Variants in SLC13A1 observed in about 807,000 individuals in gnomAD.
The protein encoded by SLC13A1 is Na(+)/sulfate cotransporter.
SLC13A1 carries 65 observed loss-of-function variants against 70.0 expected under a neutral mutation model. That is an observed-to-expected ratio of 0.93 (90% CI 0.76 to 1.14). The LOEUF (loss-of-function observed/expected upper bound fraction) is 1.14. SLC13A1 is among the 50% of genes most tolerant of loss of function. The pLI, the probability that SLC13A1 is intolerant of heterozygous loss-of-function variation, is 0.00. For missense variants in SLC13A1, 726 were observed against 717.8 expected, an observed-to-expected ratio of 1.01 and a Z score of -0.13; for synonymous variants, 275 against 250.5, an observed-to-expected ratio of 1.10 and a Z score of -0.92.
chr7:123,173,989 C>G (rs1350445495), intron 2 of SLC13A1, among the ~76,000 whole-genome samples: 1 of 121,846 alleles, frequency 8.2e-6, no homozygotes, highest in African/African-American at 2.9e-5. Context: ...TTTTTTTTCT[C>G]CCTGGTTCTA....
At chr7:123,171,191 C>T (rs894382088) in intron 3 of SLC13A1, among the ~76,000 whole-genome samples, 12 of 152,114 alleles carry the variant, frequency 7.9e-5, no homozygotes, top group African/African-American at 2.7e-4. Context: ...TGAAATAAAA[C>T]CGAAATAGCC....
rs538835068 is a variant in SLC13A1, at chr7:123,117,984, A to G, written c.1513-376T>C. Among the ~76,000 whole-genome samples, 236 of 151,382 alleles carry G rather than the reference A, an allele frequency of 1.6e-3. 1 individual carries two copies. The highest frequency in any genetic ancestry group is 2.9e-3 in the Non-Finnish European group (198 of 67,824). On this transcript the variant is annotated intron_variant, in intron 13 of 14. Transcript: ENST00000194130. ...TAATATAGTTTATAATATATAATAA[A>G]TGTCACATATTTATATATATATTGA...
At chr7:123,164,349 G>A (rs1195528423) in intron 6 of SLC13A1, among the ~76,000 whole-genome samples, 1 of 151,540 alleles carries the variant, frequency 6.6e-6, no homozygotes, top group African/African-American at 2.4e-5. Context: ...ATTGCCTTTG[G>A]GGAGAAATAT....
chr7:123,114,365 G>A lies in SLC13A1; in HGVS notation c.*1153C>T, dbSNP rs1793113577. On this transcript the variant is annotated 3_prime_UTR_variant, in exon 15 of 15. Transcript: ENST00000194130. ...GTGTAATTGTCACATCAGGGTAATTGGAAACTCATTCTTTTTCGCATCCTC... is the reference window on the plus strand; with the variant it reads ...GTGTAATTGTCACATCAGGGTAATTAGAAACTCATTCTTTTTCGCATCCTC... 6.6e-6 allele frequency: 1 copy of A among 151,926 alleles called. No homozygotes were observed. Among genetic ancestry groups the A allele is most frequent in the South Asian group, 2.1e-4 (1 of 4,830 alleles). 9.4% of individuals were successfully genotyped at this position (151,926 alleles called of 1,614,324 possible). A position where few individuals can be genotyped will look rare whatever the true frequency, so the allele number is the denominator to read the frequency against.
chr7:123,116,080 T>A (rs541995636), intron 14 of SLC13A1, among the ~76,000 whole-genome samples: 59 of 152,342 alleles, frequency 3.9e-4, no homozygotes, highest in African/African-American at 1.2e-3. Context: ...TATATTTCAA[T>A]GAATAAAATT....
chr7:123,171,751 G>C lies in SLC13A1; in HGVS notation c.365+17C>G. On this transcript the variant is annotated intron_variant, in intron 3 of 14. Transcript: ENST00000194130. ...CTGTTCAGCAGGTAAACTGGAAGCA[G>C]TAAATGCAGTACTTACCATGCAGGA... 1.2e-6 allele frequency: 2 copies of C among 1,612,650 alleles called. No homozygotes were observed. Among genetic ancestry groups the C allele is most frequent in the Non-Finnish European group, 1.7e-6 (2 of 1,179,252 alleles).
intron 2 of SLC13A1, among the ~76,000 whole-genome samples, chr7:123,176,146 C>A (rs540392019): frequency 6.6e-6 from 1 of 152,296 alleles, no homozygotes; most frequent in African/African-American, 2.4e-5. Flanking sequence ...ACCATGCAAA[C>A]AAACTACAGC....
At chr7:123,128,791 G>A (rs1405877213) in intron 10 of SLC13A1, 54 bp downstream of exon 10, 24 of 1,119,132 alleles carry the variant, frequency 2.1e-5, no homozygotes, top group Non-Finnish European at 3.2e-5. Context: ...CCACACAGGA[G>A]AGAAGCAGAG....
At chr7:123,142,743 G>A (rs1794201882) in intron 7 of SLC13A1, among the ~76,000 whole-genome samples, 1 of 149,750 alleles carries the variant, frequency 6.7e-6, no homozygotes. Context: ...TCAGCCTCCT[G>A]AGTAGCTGGG....
intron 1 of SLC13A1, among the ~76,000 whole-genome samples, chr7:123,198,093 G>A (rs1042998042): frequency 9.9e-5 from 15 of 152,068 alleles, no homozygotes; most frequent in African/African-American, 3.1e-4. Context: ...GTATGAAGCA[G>A]GATATGGTCA....
intron 6 of SLC13A1, among the ~76,000 whole-genome samples, chr7:123,162,461 G>A (rs77645122): frequency 4.1e-4 from 63 of 151,964 alleles, no homozygotes; most frequent in South Asian, 3.1e-3. Context: ...TGCTTACCTC[G>A]TCTATAAACA....
Position 123,181,035 on chromosome 7 carries a change from A to G in SLC13A1, c.166T>C (p.Ser56Pro). The G allele has an allele frequency of 2.5e-6, 4 of 1,613,022 alleles. No homozygotes were observed. The highest frequency in any genetic ancestry group is 3.4e-6 in the Non-Finnish European group (4 of 1,179,236). The change falls in exon 2 of 15, where the codon TCG (serine) becomes CCG (proline). Residue 56 changes from serine to proline, a missense_variant. By Grantham distance (74) the Ser-to-Pro change is moderately conservative (BLOSUM62 -1). Coordinates refer to ENST00000194130, the MANE Select transcript of SLC13A1 (RefSeq NM_022444.4). The part of the protein sequence containing the change: ...TFWLTEALPL[S>P]VTALLPSLML... ...AAACTAGGTAGCAAAGCTGTTACCGACAGAGGCAATGCTTCTGTGAGCCAA... is the reference window on the plus strand; with the variant it reads ...AAACTAGGTAGCAAAGCTGTTACCGGCAGAGGCAATGCTTCTGTGAGCCAA...
chr7:123,171,901 C>T lies in SLC13A1; in HGVS notation c.232G>A (p.Ala78Thr), dbSNP rs1272944365. The change falls in exon 3 of 15, where the codon GCA (alanine) becomes ACA (threonine). Residue 78 changes from alanine (A) to threonine (T), a missense_variant. Physicochemically the swap from Ala to Thr is moderately conservative, Grantham distance 58 (BLOSUM62 0). Coordinates refer to ENST00000194130, the MANE Select transcript of SLC13A1 (RefSeq NM_022444.4). ...TGAAAATCCTTGAAATAAGCAGATG[C>T]CACCTGAAATAACAATTAAACCCGT... ...MFGIMPSKKV[A>T]SAYFKDFHLL... is the part of the protein sequence containing the mutation. 1 of 1,611,298 alleles carries T rather than the reference C, an allele frequency of 6.2e-7. No individual in the cohort carries two copies. Among genetic ancestry groups the T allele is most frequent in the Non-Finnish European group, 8.5e-7 (1 of 1,178,726 alleles).
At chr7:123,137,576 CA>C (rs1423839643) in intron 7 of SLC13A1, among the ~76,000 whole-genome samples, 1 of 152,050 alleles carries the variant, frequency 6.6e-6, no homozygotes, top group Non-Finnish European at 1.5e-5. Context: ...TGCCAACAGC[CA>C]GCAAGAAAAT....
At position 123,168,566 on chromosome 7, in the gene SLC13A1, A is replaced by T; in HGVS notation, c.554-5T>A. On this transcript the variant is annotated splice_region_variant and splice_polypyrimidine_tract_variant and intron_variant, in intron 4 of 14. Coordinates refer to ENST00000194130, the MANE Select transcript of SLC13A1 (RefSeq NM_022444.4). ...TTTCATGTCCATTAACACTTTCTGC[A>T]AAACATTAAATAAAAGAAAAACAAT... is the stretch of plus-strand genomic sequence containing the variant. 6.3e-7 allele frequency: 1 copy of T among 1,597,594 alleles called. No homozygotes were observed. The highest frequency in any genetic ancestry group is 8.6e-7 in the Non-Finnish European group (1 of 1,167,422).
chr7:123,163,861 T>TTGTAA (rs1366721657), intron 6 of SLC13A1, among the ~76,000 whole-genome samples: 36 of 151,992 alleles, frequency 2.4e-4, no homozygotes, highest in Admixed American at 2.4e-3. Flanking sequence ...CATGAGTTAT[T>TTGTAA]TTACTGTAAT....
chr7:123,118,386 A>C lies in SLC13A1; in HGVS notation c.1512+695T>G, dbSNP rs186082256. ...TTCAATCAGCAGCTTATGAACACCA[A>C]CATATGCCCTTTGAGCTTGTAGCAG... On this transcript the variant is annotated intron_variant, in intron 13 of 14. Transcript: ENST00000194130. 9.4e-3 allele frequency among the ~76,000 whole-genome samples: 1,438 copies of C among 152,288 alleles called. 19 individuals are homozygous for C. Among genetic ancestry groups the C allele is most frequent in the African/African-American group, 0.033 (1,361 of 41,564 alleles).
chr7:123,128,599 A>G (rs1793645503), intron 10 of SLC13A1, among the ~76,000 whole-genome samples: 1 of 152,140 alleles, frequency 6.6e-6, no homozygotes. Context: ...TAGGGATGGG[A>G]ATAATTTTGT....
intron 8 of SLC13A1, among the ~76,000 whole-genome samples, chr7:123,130,023 C>A (rs1793702592): frequency 6.6e-6 from 1 of 152,114 alleles, no homozygotes; most frequent in African/African-American, 2.4e-5. Context: ...CCTGACACAT[C>A]AATCCAATAG....
Sources: allele counts gnomAD v4.1 joint callset (sites outside exome capture counted in the v4.1 genomes callset), GRCh38; gene constraint gnomAD v4.1.1; transcripts MANE v1.5; gene names NCBI Gene and HGNC (gene_info 2026-07-23, HGNC 2026-07-21).